Variants in CNTNAP4 observed in about 807,000 individuals in gnomAD.
CNTNAP4 encodes the protein contactin associated protein family member 4, also known as contactin-associated protein-like 4.
A neutral mutation model predicts 148.4 loss-of-function variants in CNTNAP4; 98 were observed. The observed-to-expected ratio is 0.66, with a 90% CI of 0.56 to 0.78. The LOEUF is 0.78. Among genes scored for constraint, CNTNAP4 ranks in the 30% least tolerant of loss-of-function variants. CNTNAP4 has a pLI of 0.00. For missense variants in CNTNAP4, 1,935 were observed against 1,565.6 expected (o/e 1.24, Z -3.98); for synonymous variants, 730 against 565.1 (o/e 1.29, Z -4.14).
At chr16:76,410,765 T>C (rs1202245454) in intron 3 of CNTNAP4, among the ~76,000 whole-genome samples, 2 of 151,732 alleles carry the variant, frequency 1.3e-5, no homozygotes, top group Non-Finnish European at 1.5e-5. Flanking sequence ...CATACATTTC[T>C]CTGTGTGTCC....
At chr16:76,463,480 A>C (rs77064370) in intron 9 of CNTNAP4, among the ~76,000 whole-genome samples, 1 of 152,170 alleles carries the variant, frequency 6.6e-6, no homozygotes, top group Non-Finnish European at 1.5e-5. Context: ...TTATAGTAAA[A>C]TATATCACAC....
chr16:76,498,438 G>T, intron 14 of CNTNAP4, 129 bp from the exon 15 acceptor site: 1 of 578,008 alleles, frequency 1.7e-6, no homozygotes. Context: ...CTGTTTTTAT[G>T]TGCTCCGATG....
chr16:76,482,539 T>C (rs1465615986), intron 12 of CNTNAP4, among the ~76,000 whole-genome samples: 1 of 152,150 alleles, frequency 6.6e-6, no homozygotes, highest in African/African-American at 2.4e-5. Flanking sequence ...AATGAATGTT[T>C]AGTTCTAAAA....
chr16:76,292,889 A>G (rs776841429), intron 1 of CNTNAP4, among the ~76,000 whole-genome samples: 23 of 152,216 alleles, frequency 1.5e-4, no homozygotes, highest in Non-Finnish European at 2.8e-4. Flanking sequence ...TTGCTAAACC[A>G]GAACCAGTGC....
intron 1 of CNTNAP4, chr16:76,309,744 G>A: frequency 1.5e-6 from 1 of 655,562 alleles, no homozygotes; most frequent in Non-Finnish European, 2.8e-6. Context: ...ATTGAATTGG[G>A]GTTTGGGCGG....
At chr16:76,477,301 G>A (rs1045300056) in intron 11 of CNTNAP4, among the ~76,000 whole-genome samples, 1 of 152,086 alleles carries the variant, frequency 6.6e-6, no homozygotes, top group African/African-American at 2.4e-5. Flanking sequence ...CAAATGGGAA[G>A]ACCAAAATGC....
chr16:76,477,792 CAG>C (rs1398801064), intron 11 of CNTNAP4, among the ~76,000 whole-genome samples: 2 of 152,130 alleles, frequency 1.3e-5, no homozygotes, highest in African/African-American at 4.8e-5. Context: ...TAACTCAAAA[CAG>C]AAAGCTATTC....
chr16:76,518,170 C>T (rs1431402446), intron 15 of CNTNAP4, among the ~76,000 whole-genome samples: 2 of 151,982 alleles, frequency 1.3e-5, no homozygotes, highest in African/African-American at 4.8e-5. Flanking sequence ...TTCTGTCATC[C>T]AGGCTGGAAT....
At chr16:76,390,791 G>A (rs1177653999) in intron 3 of CNTNAP4, among the ~76,000 whole-genome samples, 1 of 151,712 alleles carries the variant, frequency 6.6e-6, no homozygotes, top group Non-Finnish European at 1.5e-5. Flanking sequence ...AGCACTTCTG[G>A]GTTTGCACTA....
At chr16:76,309,591 G>A (rs763427636) in intron 1 of CNTNAP4, among the ~76,000 whole-genome samples, 1 of 152,148 alleles carries the variant, frequency 6.6e-6, no homozygotes, top group Non-Finnish European at 1.5e-5. Context: ...TTGGAAACAT[G>A]GGCAAAAATG....
At chr16:76,413,883 G>A (rs1400455788) in intron 3 of CNTNAP4, among the ~76,000 whole-genome samples, 1 of 151,018 alleles carries the variant, frequency 6.6e-6, no homozygotes, top group Non-Finnish European at 1.5e-5. Flanking sequence ...TTCACTTTCT[G>A]TTGCTTTTGT....
chr16:76,340,266 TC>T (rs921393557), intron 2 of CNTNAP4, among the ~76,000 whole-genome samples: 1 of 151,798 alleles, frequency 6.6e-6, no homozygotes, highest in Non-Finnish European at 1.5e-5. Context: ...CTGCCCAAGT[TC>T]CCCCCCAAAT....
intron 3 of CNTNAP4, among the ~76,000 whole-genome samples, chr16:76,414,385 G>T (rs1051494339): frequency 3.3e-5 from 5 of 151,330 alleles, no homozygotes; most frequent in African/African-American, 1.2e-4. Context: ...ATTGAGATAT[G>T]ATTTATTATT....
chr16:76,323,027 A>G (rs970736063), intron 2 of CNTNAP4, among the ~76,000 whole-genome samples: 5 of 151,900 alleles, frequency 3.3e-5, no homozygotes, highest in Non-Finnish European at 5.9e-5. Flanking sequence ...TTGTATTATT[A>G]GTAGAGATGG....
At chr16:76,307,735 G>C (rs1439496627) in intron 1 of CNTNAP4, among the ~76,000 whole-genome samples, 2 of 151,770 alleles carry the variant, frequency 1.3e-5, no homozygotes, top group Non-Finnish European at 2.9e-5. Context: ...CCTTTGATTG[G>C]TCTCTTTGTC....
chr16:76,410,328 A>G (rs1031630529), intron 3 of CNTNAP4, among the ~76,000 whole-genome samples: 5 of 151,812 alleles, frequency 3.3e-5, no homozygotes, highest in Admixed American at 6.6e-5. Context: ...TAGAAGAAAT[A>G]TTTCCCAAAT....
chr16:76,301,976 C>G (rs535809242), intron 1 of CNTNAP4, among the ~76,000 whole-genome samples: 7 of 152,140 alleles, frequency 4.6e-5, no homozygotes, highest in East Asian at 1.9e-4. Flanking sequence ...AAAAAGCCAC[C>G]TCTCGGGCAC....
rs377124520 is a variant in CNTNAP4 at position 76,444,447 on chromosome 16, T to G, written c.539-3565T>G. Among the ~76,000 whole-genome samples, 22 of 152,252 alleles carry G rather than the reference T, an allele frequency of 1.4e-4. 1 individual carries two copies. Among genetic ancestry groups the G allele is most frequent in the African/African-American group, 5.3e-4 (22 of 41,566 alleles). On this transcript the variant is annotated intron_variant, in intron 4 of 23. Transcript: ENST00000611870. Reference sequence around the variant, plus strand: ...TTATTTCCACTTTTTTTTCTAATTTTTCTTAACAGTGGTAAGATCACTTTC... The same window carrying G: ...TTATTTCCACTTTTTTTTCTAATTTGTCTTAACAGTGGTAAGATCACTTTC...
chr16:76,552,346 A>T (rs1201844940), intron 21 of CNTNAP4, among the ~76,000 whole-genome samples: 1 of 152,160 alleles, frequency 6.6e-6, no homozygotes, highest in Non-Finnish European at 1.5e-5. Context: ...CCATATCAAT[A>T]GTTGTGCTAT....
Sources: allele counts gnomAD v4.1 joint callset (sites outside exome capture counted in the v4.1 genomes callset), GRCh38; gene constraint gnomAD v4.1.1; transcripts MANE v1.5; gene names NCBI Gene and HGNC (gene_info 2026-07-23, HGNC 2026-07-21).